Variants in RASAL3 observed in about 807,000 individuals in gnomAD.
RASAL3 encodes RAS protein activator like 3.
RASAL3 carries 74 observed loss-of-function variants against 105.5 expected under a neutral mutation model. The ratio of observed to expected loss-of-function variants is 0.70; its 90% confidence interval spans 0.58 to 0.85. The LOEUF (loss-of-function observed/expected upper bound fraction) is 0.85, where lower values mean the gene tolerates loss of function less well. RASAL3 is among the 40% of genes least tolerant of loss of function. RASAL3 has a pLI of 0.00. For missense variants in RASAL3, 1,352 were observed against 1,392.0 expected (o/e 0.97, Z 0.46); for synonymous variants, 579 against 591.6 (o/e 0.98, Z 0.31).
At position 15,451,736 on chromosome 19, in the gene RASAL3, C is replaced by T; in HGVS notation, c.*59G>A. ...AGGGCTAAGGCAAAGTCAGACACCC[C>T]CCCTAAGATGGCTATCTCTCTGCTC... is the stretch of plus-strand genomic sequence containing the variant. On this transcript the variant is annotated 3_prime_UTR_variant, in exon 18 of 18. Coordinates refer to ENST00000343625, the MANE Select transcript of RASAL3 (RefSeq NM_022904.3). The T allele has an allele frequency of 6.5e-7, 1 of 1,536,668 alleles. No homozygotes were observed. The highest frequency in any genetic ancestry group is 8.8e-7 in the Non-Finnish European group (1 of 1,133,676).
Position 15,456,383 on chromosome 19 carries a change from C to T in RASAL3, c.1576+119G>A, listed in dbSNP as rs191446646. On this transcript the variant is annotated intron_variant, in intron 10 of 17. Coordinates refer to ENST00000343625, the MANE Select transcript of RASAL3 (RefSeq NM_022904.3). This position sits in a 1 kb window ranked among gnomAD's most constrained non-coding sequence, Gnocchi z 4.4. ...GGAGCTCCCAATTGTCCCCAGGATCCTAGCACCCCCAAAACACCACTCACT... is the reference window on the plus strand; with the variant it reads ...GGAGCTCCCAATTGTCCCCAGGATCTTAGCACCCCCAAAACACCACTCACT... 3.9e-4 allele frequency: 596 copies of T among 1,521,854 alleles called. 2 individuals carry two copies. The highest frequency in any genetic ancestry group is 1.6e-3 in the Middle Eastern group (9 of 5,794). 94.3% of individuals were successfully genotyped at this position (1,521,854 alleles called of 1,614,324 possible).
intron 15 of RASAL3, 50 bp from the exon 16 acceptor site, chr19:15,452,865 C>A (rs1970202784): frequency 6.7e-7 from 1 of 1,489,388 alleles, no homozygotes; most frequent in South Asian, 1.3e-5. Context: ...GCCCCTGTGT[C>A]TCCCCGGAGA....
rs533168981 is a variant in RASAL3 at position 15,460,991 on chromosome 19, C to G, written c.606+69G>C. 2.0e-4 allele frequency: 294 copies of G among 1,441,866 alleles called. 3 individuals carry two copies. In the South Asian group the frequency reaches 3.3e-3, roughly 16 times the overall value. 89.3% of individuals were successfully genotyped at this position (1,441,866 alleles called of 1,614,324 possible). A position where few individuals can be genotyped will look rare whatever the true frequency, so the allele number is the denominator to read the frequency against. On this transcript the variant is annotated intron_variant, in intron 5 of 17. Transcript: ENST00000343625. ...GCTCCAGATCACCCAGCAAGAGTGC[C>G]CTTTCAGCTTTGAGGGTCCGAGAGT...
Position 15,460,263 on chromosome 19 carries a change from G to A in RASAL3, c.607-5C>T. Reference sequence around the variant, plus strand: ...TTTCAGCCTCTTGAGCAACCCCTGTGGGGAAGGGAATGTCAGCTGGACAGA... The same window carrying A: ...TTTCAGCCTCTTGAGCAACCCCTGTAGGGAAGGGAATGTCAGCTGGACAGA... On this transcript the variant is annotated splice_region_variant and splice_polypyrimidine_tract_variant and intron_variant, in intron 5 of 17. Coordinates refer to ENST00000343625, the MANE Select transcript of RASAL3 (RefSeq NM_022904.3). 4 of 1,605,438 alleles carry A rather than the reference G, an allele frequency of 2.5e-6. No individual in the cohort carries two copies. The highest frequency in any genetic ancestry group is 3.4e-6 in the Non-Finnish European group (4 of 1,175,872).
Position 15,461,094 on chromosome 19 carries a change from T to C in RASAL3, c.572A>G (p.Glu191Gly). 6.2e-7 allele frequency: 1 copy of C among 1,613,840 alleles called. No individual in the cohort carries two copies. Among genetic ancestry groups the C allele is most frequent in the Non-Finnish European group, 8.5e-7 (1 of 1,179,850 alleles). ...GTGGACCTGGTTGGGACCAGCAGTC[T>C]CCGGTTCTGTTTTTCCAGGCATCCG... The part of the protein sequence containing the change: ...PDRMPGKTEP[E>G]TAGPNQVHNV... Residue 191 changes from glutamate (E) to glycine (G), a missense_variant, in exon 5 of 18, where the codon GAG (glutamate) becomes GGG (glycine). Physicochemically the swap from Glu to Gly is moderately conservative, Grantham distance 98. Coordinates refer to ENST00000343625, the MANE Select transcript of RASAL3 (RefSeq NM_022904.3).
intron 16 of RASAL3, chr19:15,452,324 G>A (rs1164089042): frequency 3.2e-6 from 2 of 617,034 alleles, no homozygotes; most frequent in Non-Finnish European, 5.8e-6. Context: ...TGGAGGTGGG[G>A]TTTGGCCAGT....
Position 15,464,066 on chromosome 19 carries a change from G to T in RASAL3, c.293C>A (p.Pro98Gln), listed in dbSNP as rs751814881. 6 of 1,586,558 alleles carry T rather than the reference G, an allele frequency of 3.8e-6. No individual in the cohort carries two copies. Among genetic ancestry groups the T allele is most frequent in the Non-Finnish European group, 4.3e-6 (5 of 1,163,254 alleles). ...CTGCTCCGGCTCCGGGTCTGGCTCC[G>T]GCGGTGGGTTCTTATGCCTCCCCCA... Reference protein sequence around the residue: ...ALWGRHKNPPPEPDPEPEQEA... With the variant: ...ALWGRHKNPPQEPDPEPEQEA... Residue 98 changes from proline to glutamine, a missense_variant, in exon 2 of 18, where the codon CCG becomes CAG. Pro to Gln is a moderately conservative substitution (Grantham distance 76). Coordinates refer to ENST00000343625, the MANE Select transcript of RASAL3 (RefSeq NM_022904.3).
Position 15,461,079 on chromosome 19 carries a change from T to C in RASAL3, c.587A>G (p.Asn196Ser), listed in dbSNP as rs756581550. 6.2e-6 allele frequency: 10 copies of C among 1,613,804 alleles called. No individual in the cohort carries two copies. In the African/African-American group the frequency reaches 9.3e-5, roughly 15 times the overall value. The change falls in exon 5 of 18, where the codon AAC (asparagine) becomes AGC (serine). Residue 196 changes from asparagine (N) to serine (S), a missense_variant. Coordinates refer to ENST00000343625, the MANE Select transcript of RASAL3 (RefSeq NM_022904.3). ...GKTEPETAGP[N>S]QVHNVRGLLK... ...CCTTACCCGAACGTTGTGGACCTGG[T>C]TGGGACCAGCAGTCTCCGGTTCTGT...
At position 15,456,256 on chromosome 19, in the gene RASAL3, C is replaced by T. The variant is rs778662319; in HGVS notation, c.1577-8G>A. ...GACGCCGCACAACCTGTCCTGCAGC[C>T]CAGCACAGCCAGATAGGGGCTGGGG... On this transcript the variant is annotated splice_region_variant and splice_polypyrimidine_tract_variant and intron_variant, in intron 10 of 17. Coordinates refer to ENST00000343625, the MANE Select transcript of RASAL3 (RefSeq NM_022904.3). This position sits in a 1 kb window ranked among gnomAD's most constrained non-coding sequence, Gnocchi z 4.4. The T allele has an allele frequency of 6.2e-7, 1 of 1,611,898 alleles. No homozygotes were observed. The highest frequency in any genetic ancestry group is 8.5e-7 in the Non-Finnish European group (1 of 1,178,456).
In RASAL3 at chr19:15,454,708, C is replaced by T. The variant is rs746863893; in HGVS notation, c.1907G>A (p.Arg636His). 7.5e-6 allele frequency: 12 copies of T among 1,609,636 alleles called. No homozygotes were observed. Among genetic ancestry groups the T allele is most frequent in the East Asian group, 2.2e-5 (1 of 44,778 alleles). ...APDHPAPGPA[R>H]TLTLIAKVIQ... is the part of the protein sequence containing the mutation. ...GACCTTGGCAATCAGTGTGAGGGTG[C>T]GGGCTGGGCCGGGTGCTGGATGGTC... Residue 636 changes from arginine to histidine, a missense_variant, in exon 12 of 18, where the codon CGC becomes CAC. This residue lies in a region of RASAL3 where 920 missense variants were observed against 919.6 expected (regional missense o/e 1.00). Transcript: ENST00000343625.
At position 15,457,365 on chromosome 19, in the gene RASAL3, G is replaced by A; in HGVS notation, c.1358C>T (p.Ala453Val). Residue 453 changes from alanine to valine, a missense_variant, in exon 9 of 18, where the codon GCG becomes GTG. This residue lies in a region of RASAL3 where 920 missense variants were observed against 919.6 expected (regional missense o/e 1.00). Coordinates refer to ENST00000343625, the MANE Select transcript of RASAL3 (RefSeq NM_022904.3). The surrounding 1 kb of genome is among the most constrained non-coding windows in gnomAD (Gnocchi z 8.6). ...YARLCGALEPALPAQAKEELA... is the reference protein window; with the variant it reads ...YARLCGALEPVLPAQAKEELA... ...CTCCTCCTTGGCCTGCGCAGGCAGC[G>A]CGGGCTCCAGGGCCCCGCAGAGGCG... The A allele has an allele frequency of 7.0e-6, 10 of 1,426,832 alleles. No homozygotes were observed. The highest frequency in any genetic ancestry group is 1.4e-5 in the South Asian group (1 of 73,694). 88.4% of individuals were successfully genotyped at this position (1,426,832 alleles called of 1,614,324 possible).
rs770107622 is a variant in RASAL3 at position 15,453,123 on chromosome 19, T to C, written c.2654A>G (p.His885Arg). 6 of 1,613,504 alleles carry C rather than the reference T, an allele frequency of 3.7e-6. No individual in the cohort carries two copies. Among genetic ancestry groups the C allele is most frequent in the Admixed American group, 1.7e-5 (1 of 59,978 alleles). The change falls in exon 15 of 18, where the codon CAC becomes CGC. Residue 885 changes from histidine (H) to arginine (R), a missense_variant. By Grantham distance (29) the His-to-Arg change is conservative. Around this residue, in one of 3 missense-constraint regions of RASAL3, gnomAD observed 920 missense variants for 919.6 expected, o/e 1.00. Transcript: ENST00000343625. This position sits in a 1 kb window ranked among gnomAD's most constrained non-coding sequence, Gnocchi z 4.2. ...TGACCTTACCTTGTTCACAGGTCGG[T>C]GCGTGCCCAGTGCCTGGTTTCGGTC... ...PQDRNQALGT[H>R]RPVNKLAELQ...
rs1379206944 is a variant in RASAL3 at position 15,457,612 on chromosome 19, G to T, written c.1111C>A (p.Arg371Ser). 2 of 1,367,088 alleles carry T rather than the reference G, an allele frequency of 1.5e-6. No homozygotes were observed. Among genetic ancestry groups the T allele is most frequent in the Non-Finnish European group, 1.9e-6 (2 of 1,057,598 alleles). 84.7% of individuals were successfully genotyped at this position (1,367,088 alleles called of 1,614,324 possible). A position where few individuals can be genotyped will look rare whatever the true frequency, so the allele number is the denominator to read the frequency against. The change falls in exon 9 of 18, where the codon CGC (arginine) becomes AGC (serine). Residue 371 changes from arginine to serine, a missense_variant. Arg to Ser is a moderately radical substitution (Grantham distance 110). Around this residue, in one of 3 missense-constraint regions of RASAL3, gnomAD observed 920 missense variants for 919.6 expected, o/e 1.00. Transcript: ENST00000343625. This position sits in a 1 kb window ranked among gnomAD's most constrained non-coding sequence, Gnocchi z 8.6. The part of the protein sequence containing the change: ...PPARRLSLRL[R>S]GLGPGSAVLG... Reference sequence around the variant, plus strand: ...ACCGCGCTTCCCGGGCCCAAGCCGCGCAGCCGCAGCGACAGGCGACGTGCC... The same window carrying T: ...ACCGCGCTTCCCGGGCCCAAGCCGCTCAGCCGCAGCGACAGGCGACGTGCC...
rs939735127 is a variant in RASAL3 at position 15,453,309 on chromosome 19, C to T, written c.2468G>A (p.Arg823Gln). The change falls in exon 15 of 18, where the codon CGG becomes CAG. Residue 823 changes from arginine (R) to glutamine (Q), a missense_variant. Arg to Gln is a conservative substitution (Grantham distance 43). Coordinates refer to ENST00000343625, the MANE Select transcript of RASAL3 (RefSeq NM_022904.3). This position sits in a 1 kb window ranked among gnomAD's most constrained non-coding sequence, Gnocchi z 4.2. ...AGATTGGCGGCGGCGGGCAGGACGC[C>T]GGACCGGGACACTCTGCGTGCGCTG... is the stretch of plus-strand genomic sequence containing the variant. ...PVQRTQSVPV[R>Q]RPARRRQSAG... 9.4e-6 allele frequency: 14 copies of T among 1,484,342 alleles called. No homozygotes were observed. Among genetic ancestry groups the T allele is most frequent in the Middle Eastern group, 2.2e-4 (1 of 4,626 alleles). 91.9% of individuals were successfully genotyped at this position (1,484,342 alleles called of 1,614,324 possible).
At chr19:15,452,432 G>A (rs1386970553) in intron 16 of RASAL3, 1 of 595,176 alleles carries the variant, frequency 1.7e-6, no homozygotes, top group Non-Finnish European at 3.0e-6. Context: ...GAGGGGTGGG[G>A]CCTGGATGAG....
intron 2 of RASAL3, among the ~76,000 whole-genome samples, chr19:15,463,524 T>C (rs1044662390): frequency 4.6e-5 from 7 of 152,132 alleles, no homozygotes; most frequent in East Asian, 1.9e-4. Flanking sequence ...GCACATACAA[T>C]AGAAGCTCAA....
Position 15,453,326 on chromosome 19 carries a change from C to T in RASAL3, c.2451G>A (p.Thr817=), listed in dbSNP as rs1425102058. 2 of 1,461,308 alleles carry T rather than the reference C, an allele frequency of 1.4e-6. No homozygotes were observed. Among genetic ancestry groups the T allele is most frequent in the African/African-American group, 2.9e-5 (2 of 67,966 alleles). The allele number at this position is 1,461,308 out of a possible 1,614,324, so 90.5% of individuals were successfully genotyped here. A position where few individuals can be genotyped will look rare whatever the true frequency, so the allele number is the denominator to read the frequency against. ...CAGGACGCCGGACCGGGACACTCTGCGTGCGCTGCACCGGCCGGGGCCGCC... is the reference window on the plus strand; with the variant it reads ...CAGGACGCCGGACCGGGACACTCTGTGTGCGCTGCACCGGCCGGGGCCGCC... ...PLRRPRPVQR[T]QSVPVRRPAR... The change falls in exon 15 of 18, where the codon ACG becomes ACA. Residue 817 remains threonine, a synonymous_variant. Coordinates refer to ENST00000343625, the MANE Select transcript of RASAL3 (RefSeq NM_022904.3). The surrounding 1 kb of genome is among the most constrained non-coding windows in gnomAD (Gnocchi z 4.2).
intron 3 of RASAL3, 25 bp downstream of exon 3, chr19:15,461,446 C>T: frequency 1.3e-6 from 2 of 1,544,328 alleles, no homozygotes; most frequent in East Asian, 2.4e-5. Context: ...TTCCCTCCTC[C>T]CCTTTCCCAG....
chr19:15,457,322 C>T lies in RASAL3; in HGVS notation c.1401G>A (p.Val467=), dbSNP rs1326245715. ...QAKEELAAAM[V]RVLRATGRAQ... ...CCCGGCCGGTGGCCCGCAGCACGCGCACCATGGCTGCCGCCAGCTCCTCCT... is the reference window on the plus strand; with the variant it reads ...CCCGGCCGGTGGCCCGCAGCACGCGTACCATGGCTGCCGCCAGCTCCTCCT... The change falls in exon 9 of 18, where the codon GTG becomes GTA. Residue 467 remains valine (V), a synonymous_variant. Coordinates refer to ENST00000343625, the MANE Select transcript of RASAL3 (RefSeq NM_022904.3). This position sits in a 1 kb window ranked among gnomAD's most constrained non-coding sequence, Gnocchi z 8.6. The T allele has an allele frequency of 5.0e-5, 68 of 1,353,326 alleles. No homozygotes were observed. The highest frequency in any genetic ancestry group is 5.9e-5 in the Non-Finnish European group (62 of 1,057,468). The allele number at this position is 1,353,326 out of a possible 1,614,324, so 83.8% of individuals were successfully genotyped here.
Sources: allele counts gnomAD v4.1 joint callset (sites outside exome capture counted in the v4.1 genomes callset), GRCh38; gene constraint gnomAD v4.1.1; regional missense constraint gnomAD v4.1.1; non-coding constraint Gnocchi (gnomAD v3.1); transcripts MANE v1.5; gene names NCBI Gene and HGNC (gene_info 2026-07-23, HGNC 2026-07-21).